Variants in TAF1 observed in about 807,000 individuals in gnomAD.
TAF1 encodes transcription initiation factor TFIID subunit 1.
In TAF1, 2 loss-of-function variants were observed where a neutral mutation model predicts 138.5. That is an observed-to-expected ratio of 0.01 (90% confidence interval 0.01 to 0.05). The LOEUF (loss-of-function observed/expected upper bound fraction) is 0.05. TAF1 is among the 10% of genes least tolerant of loss of function. The probability of loss-of-function intolerance (pLI) is 1.00; values close to 1 mark genes in which losing one functional copy is unlikely to be tolerated. For missense variants in TAF1, 709 were observed against 1,478.0 expected, an observed-to-expected ratio of 0.48 and a Z score of 8.53; for synonymous variants, 437 against 503.2, an observed-to-expected ratio of 0.87 and a Z score of 1.76.
At position 71,401,398 on chromosome X, in the gene TAF1, G is replaced by A. The variant is rs941600098; in HGVS notation, c.3787-130G>A. Reference sequence around the variant, plus strand: ...ATGGGCTTCACTATGTGTGGATTTTGGTATACTTGGGGGTCCTGGAACCAA... The same window carrying A: ...ATGGGCTTCACTATGTGTGGATTTTAGTATACTTGGGGGTCCTGGAACCAA... On this transcript the variant is annotated intron_variant, in intron 24 of 37. Coordinates refer to ENST00000423759, the MANE Select transcript of TAF1 (RefSeq NM_004606.5). 3.9e-6 allele frequency: 3 copies of A among 760,869 alleles called. No individual in the cohort carries two copies. In the African/African-American group the frequency reaches 6.4e-5, roughly 16 times the overall value. The allele number at this position is 760,869 out of a possible 1,213,427, so 62.7% of individuals were successfully genotyped here. A position where few individuals can be genotyped will look rare whatever the true frequency, so the allele number is the denominator to read the frequency against.
intron 35 of TAF1, among the ~76,000 whole-genome samples, chrX:71,458,945 T>C (rs2038425545): frequency 9.0e-6 from 1 of 111,175 alleles, no homozygotes; most frequent in African/African-American, 3.3e-5. Flanking sequence ...TAAGAGCCTT[T>C]CCTGTTCTTT....
chrX:71,468,952 C>T (rs2038827244), downstream of TAF1, among the ~76,000 whole-genome samples: 1 of 111,883 alleles, frequency 8.9e-6, no homozygotes, highest in Non-Finnish European at 1.9e-5. Context: ...TGTGCCACTG[C>T]ACTCCAGCCT....
intron 8 of TAF1, 74 bp downstream of exon 8, chrX:71,379,105 ATTTTTTTTTTT>A (rs916740866): frequency 6.2e-6 from 3 of 487,568 alleles, no homozygotes; most frequent in South Asian, 4.3e-5. Flanking sequence ...CTCAGCTGTG[ATTTTTTTTTTT>A]TTTTTTTTTT....
intron 15 of TAF1, among the ~76,000 whole-genome samples, chrX:71,388,027 G>T (rs2034343883): frequency 8.9e-6 from 1 of 111,894 alleles, no homozygotes; most frequent in Non-Finnish European, 1.9e-5. Flanking sequence ...TGGAGCCCGG[G>T]AGGCAGAGGT....
At chrX:71,454,475 A>C (rs2038194182) in intron 33 of TAF1, among the ~76,000 whole-genome samples, 1 of 110,852 alleles carries the variant, frequency 9.0e-6, no homozygotes, top group Admixed American at 9.6e-5. Context: ...AAAATAAAAG[A>C]GGTCTCCTTG....
chrX:71,507,304 C>T (rs1482425558), intron 13 of TAF1, among the ~76,000 whole-genome samples: 3 of 111,657 alleles, frequency 2.7e-5, no homozygotes, highest in Non-Finnish European at 5.6e-5. Context: ...GATCAGGGCT[C>T]ACTGCAGCCT....
chrX:71,375,342 G>A, intron 4 of TAF1, 56 bp downstream of exon 4: 1 of 1,172,757 alleles, frequency 8.5e-7, no homozygotes, highest in Non-Finnish European at 1.1e-6. Context: ...CCTAAGTCCA[G>A]GCTTGTGGCA....
At chrX:71,481,562 C>T (rs1293194896) in intron 13 of TAF1, among the ~76,000 whole-genome samples, 1 of 110,604 alleles carries the variant, frequency 9.0e-6, no homozygotes, top group Non-Finnish European at 1.9e-5. Context: ...TTTTTGTTTT[C>T]GTTTTTGTTT....
intron 21 of TAF1, 79 bp from the exon 22 acceptor site, chrX:71,393,988 G>T: frequency 9.7e-7 from 1 of 1,036,055 alleles, no homozygotes; most frequent in Non-Finnish European, 1.3e-6. Context: ...CCTTTTTAAG[G>T]TTGATTTCCC....
At chrX:71,508,086 C>CTATATATATATATA (rs1556033075) in intron 13 of TAF1, among the ~76,000 whole-genome samples, 3 of 92,179 alleles carry the variant, frequency 3.3e-5, no homozygotes, top group African/African-American at 4.3e-5. Context: ...CTCTCTCTCT[C>CTATATATATATATA]TATATATATA....
chrX:71,408,615 CTTCT>C (rs1355809271), intron 28 of TAF1, among the ~76,000 whole-genome samples: 4 of 112,092 alleles, frequency 3.6e-5, no homozygotes, highest in African/African-American at 1.3e-4. Context: ...CCTAATGTCA[CTTCT>C]TTTTATTCCC....
downstream of TAF1, among the ~76,000 whole-genome samples, chrX:71,466,673 C>T (rs1451404465): frequency 9.0e-5 from 10 of 111,419 alleles, no homozygotes; most frequent in South Asian, 3.4e-3. Context: ...CCACCGCGCC[C>T]AGCCAAGACG....
chrX:71,489,325 A>G (rs751553016), intron 13 of TAF1, among the ~76,000 whole-genome samples: 1 of 110,670 alleles, frequency 9.0e-6, no homozygotes, highest in South Asian at 3.9e-4. Flanking sequence ...TGTGGCCCTG[A>G]GAGAGGGGGC....
chrX:71,420,573 C>T (rs975792604), intron 28 of TAF1: 5 of 1,208,395 alleles, frequency 4.1e-6, no homozygotes, highest in East Asian at 3.0e-5. Flanking sequence ...TGCTTCTCTA[C>T]CTCGTTCTGT....
At chrX:71,452,353 C>T (rs1232797474) in intron 32 of TAF1, among the ~76,000 whole-genome samples, 5 of 109,891 alleles carry the variant, frequency 4.5e-5, no homozygotes, top group Admixed American at 1.9e-4. Flanking sequence ...ACGGGGCAGC[C>T]GGGCAGAGAC....
At chrX:71,480,123 G>A (rs1229559699) in intron 13 of TAF1, among the ~76,000 whole-genome samples, 1 of 111,580 alleles carries the variant, frequency 9.0e-6, no homozygotes, top group Non-Finnish European at 1.9e-5. Flanking sequence ...TACTTGGGAG[G>A]CTGATGTGGG....
At chrX:71,522,715 C>G (rs2039924329) in intron 13 of TAF1, among the ~76,000 whole-genome samples, 1 of 42,149 alleles carries the variant, frequency 2.4e-5, no homozygotes. Context: ...TAAGGCTTGA[C>G]AATAACTCTG....
In TAF1 at chrX:71,382,402, G is replaced by T. The variant is rs28382163; in HGVS notation, c.1538-134G>T. The T allele has an allele frequency of 8.1e-6, 7 of 867,101 alleles. No individual in the cohort carries two copies. The East Asian group carries it at 2.4e-4, about 29-fold the overall frequency. 71.5% of individuals were successfully genotyped at this position (867,101 alleles called of 1,213,427 possible). On this transcript the variant is annotated intron_variant, in intron 9 of 37. Coordinates refer to ENST00000423759, the MANE Select transcript of TAF1 (RefSeq NM_004606.5). ...TCGTGGACTAGAAGTTACCTGGGGG[G>T]GGGTGGGATGAAAGGTCTAGTTAAG... is the stretch of plus-strand genomic sequence containing the variant.
chrX:71,496,587 T>C (rs1465561674), intron 13 of TAF1, among the ~76,000 whole-genome samples: 1 of 109,523 alleles, frequency 9.1e-6, no homozygotes, highest in Non-Finnish European at 1.9e-5. Flanking sequence ...GTCTGTCTCT[T>C]CCTCTGCCTG....
Sources: allele counts gnomAD v4.1 joint callset (sites outside exome capture counted in the v4.1 genomes callset), GRCh38; gene constraint gnomAD v4.1.1; transcripts MANE v1.5; gene names NCBI Gene and HGNC (gene_info 2026-07-23, HGNC 2026-07-21).